SNX14: variants seen among roughly 807,000 people sequenced by gnomAD.
SNX14 encodes sorting nexin-14.
SNX14 carries 93 observed loss-of-function variants against 133.8 expected under a neutral mutation model. The ratio of observed to expected loss-of-function variants is 0.70; its 90% CI spans 0.59 to 0.83. SNX14 has a LOEUF of 0.83. Among genes scored for constraint, SNX14 ranks in the 40% least tolerant of loss-of-function variants. The probability of loss-of-function intolerance (pLI) is 0.00; values close to 1 mark genes in which losing one functional copy is unlikely to be tolerated. For synonymous variants in SNX14, 368 were observed against 365.6 expected (o/e 1.01, Z -0.07); for missense variants, 945 against 1,094.9 (o/e 0.86, Z 1.93).
At chr6:85,518,188 C>T in intron 21 of SNX14, 140 bp from the exon 22 acceptor site, 1 of 637,368 alleles carries the variant, frequency 1.6e-6, no homozygotes. Context: ...CCATTTCACA[C>T]TCCATGGAAA....
At chr6:85,574,897 T>C (rs921420063) in intron 1 of SNX14, among the ~76,000 whole-genome samples, 3 of 152,240 alleles carry the variant, frequency 2.0e-5, no homozygotes, top group Non-Finnish European at 4.4e-5. Context: ...ACAGAAAGTC[T>C]GTGTGATATG....
chr6:85,579,126 G>C (rs1462412714), intron 1 of SNX14, among the ~76,000 whole-genome samples: 1 of 151,880 alleles, frequency 6.6e-6, no homozygotes, highest in Non-Finnish European at 1.5e-5. Flanking sequence ...TGACAGAATG[G>C]GACTCCGTCT....
intron 20 of SNX14, 42 bp from the exon 21 acceptor site, chr6:85,526,279 T>C: frequency 4.2e-6 from 5 of 1,198,862 alleles, no homozygotes; most frequent in Non-Finnish European, 6.0e-6. Context: ...TTTAGAAATC[T>C]AGAGGAGTAG....
At chr6:85,508,361 A>G in intron 26 of SNX14, 1 of 1,052,884 alleles carries the variant, frequency 9.5e-7, no homozygotes, top group South Asian at 3.8e-5. Flanking sequence ...GGAAAATAAT[A>G]CTTATTGTAT....
intron 2 of SNX14, 72 bp from the exon 3 acceptor site, chr6:85,572,446 T>A (rs1286816877): frequency 8.4e-7 from 1 of 1,188,130 alleles, no homozygotes; most frequent in Non-Finnish European, 1.2e-6. Flanking sequence ...AGAATCAACT[T>A]TTCAGAAGTT....
chr6:85,550,685 G>A (rs574039754), intron 7 of SNX14, among the ~76,000 whole-genome samples: 2 of 152,222 alleles, frequency 1.3e-5, no homozygotes, highest in East Asian at 3.9e-4. Context: ...TTTTTGTGGA[G>A]ATGGGGTTTT....
chr6:85,535,873 C>A (rs189108672), intron 17 of SNX14, among the ~76,000 whole-genome samples: 4 of 152,046 alleles, frequency 2.6e-5, no homozygotes, highest in African/African-American at 9.7e-5. Flanking sequence ...CCCTTTTATA[C>A]CCACGTTAGT....
At chr6:85,580,550 C>G (rs1798724634) in intron 1 of SNX14, among the ~76,000 whole-genome samples, 1 of 152,120 alleles carries the variant, frequency 6.6e-6, no homozygotes, top group Admixed American at 6.5e-5. Flanking sequence ...GTCCCCAATT[C>G]CAGGCCTTGG....
chr6:85,545,740 G>A (rs1296690883), intron 12 of SNX14, among the ~76,000 whole-genome samples: 4 of 152,156 alleles, frequency 2.6e-5, no homozygotes, highest in Admixed American at 6.5e-5. Flanking sequence ...CTGGAGTGCA[G>A]TGGCATGATC....
intron 15 of SNX14, among the ~76,000 whole-genome samples, chr6:85,540,704 T>G (rs1370025636): frequency 6.6e-6 from 1 of 152,196 alleles, no homozygotes; most frequent in African/African-American, 2.4e-5. Context: ...CCCATAACAC[T>G]TGGTTACGTC....
intron 26 of SNX14, among the ~76,000 whole-genome samples, chr6:85,509,917 CTTCT>C (rs1364010097): frequency 6.6e-6 from 1 of 152,140 alleles, no homozygotes. Flanking sequence ...TTCAGATTGG[CTTCT>C]TTCTCTTAGT....
At chr6:85,547,888 C>T (rs1415670042) in intron 9 of SNX14, among the ~76,000 whole-genome samples, 3 of 152,140 alleles carry the variant, frequency 2.0e-5, no homozygotes, top group East Asian at 1.9e-4. Context: ...ACATGTTATA[C>T]ACATACAATG....
At chr6:85,541,446 T>C (rs760344274) in intron 15 of SNX14, among the ~76,000 whole-genome samples, 16 of 152,192 alleles carry the variant, frequency 1.1e-4, no homozygotes, top group Non-Finnish European at 2.1e-4. Context: ...ATTTATAGAT[T>C]TGATGTCTGT....
At chr6:85,583,209 C>G (rs1417413232) in intron 1 of SNX14, among the ~76,000 whole-genome samples, 1 of 152,130 alleles carries the variant, frequency 6.6e-6, no homozygotes, top group African/African-American at 2.4e-5. Flanking sequence ...ATTCAACACC[C>G]CTTCATGCTA....
intron 13 of SNX14, 73 bp downstream of exon 13, chr6:85,543,532 C>A: frequency 1.5e-6 from 2 of 1,305,534 alleles, no homozygotes; most frequent in Admixed American, 2.6e-5. Context: ...CTAGCCACTG[C>A]AATAATAAAC....
intron 7 of SNX14, among the ~76,000 whole-genome samples, chr6:85,553,786 C>A (rs1158090842): frequency 4.2e-4 from 57 of 136,432 alleles, no homozygotes; most frequent in South Asian, 4.7e-4. Flanking sequence ...ACTCCGTCTC[C>A]AAAAAAAAAA....
chr6:85,528,892 A>G (rs1582648294), intron 19 of SNX14, among the ~76,000 whole-genome samples: 1 of 137,910 alleles, frequency 7.3e-6, no homozygotes, highest in East Asian at 2.0e-4. Context: ...TCTACTAAAA[A>G]TACAAAAAAA....
At position 85,539,353 on chromosome 6, in the gene SNX14, G is replaced by C. The variant is rs146308916; in HGVS notation, c.1449-489C>G. 3.7e-3 allele frequency among the ~76,000 whole-genome samples: 556 copies of C among 152,236 alleles called. 10 individuals are homozygous for C. The highest frequency in any genetic ancestry group is 0.034 in the Admixed American group (518 of 15,274). ...TTTCCAACATTAAACTTGTGTTCAT[G>C]TTAGACAGAATCATTTATGCTTCAC... is the stretch of plus-strand genomic sequence containing the variant. On this transcript the variant is annotated intron_variant, in intron 15 of 28. Transcript: ENST00000314673.
Position 85,535,012 on chromosome 6 carries a change from C to T in SNX14, c.1609-1212G>A, listed in dbSNP as rs1306207962. On this transcript the variant is annotated intron_variant, in intron 17 of 28. Coordinates refer to ENST00000314673, the MANE Select transcript of SNX14 (RefSeq NM_153816.6). ...TTTGAAAAAGACTTTCTCTGATCTA[C>T]TTTCTTCTATCCATACTTTTTTTTT... is the stretch of plus-strand genomic sequence containing the variant. Among the ~76,000 whole-genome samples, 4 of 142,480 alleles carry T rather than the reference C, an allele frequency of 2.8e-5. No homozygotes were observed. The East Asian group carries it at 8.1e-4, about 29-fold the overall frequency. The allele number at this position is 142,480 out of a possible 152,430, so 93.5% of individuals were successfully genotyped here.
Sources: allele counts gnomAD v4.1 joint callset (sites outside exome capture counted in the v4.1 genomes callset), GRCh38; gene constraint gnomAD v4.1.1; transcripts MANE v1.5; gene names NCBI Gene and HGNC (gene_info 2026-07-23, HGNC 2026-07-21).